Variants in PRIM2 observed in about 807,000 individuals in gnomAD.
The protein encoded by PRIM2 is DNA primase large subunit.
In PRIM2, 39 loss-of-function variants were observed where a neutral mutation model predicts 67.3. The observed-to-expected ratio is 0.58, with a 90% CI of 0.45 to 0.76. The LOEUF is 0.76. Ranked by LOEUF, PRIM2 falls within the 30% of genes least tolerant of loss-of-function variation. The pLI, the probability that PRIM2 is intolerant of heterozygous loss-of-function variation, is 0.00. For synonymous variants in PRIM2, 143 were observed against 198.7 expected, an observed-to-expected ratio of 0.72 and a Z score of 2.36; for missense variants, 398 against 598.7, an observed-to-expected ratio of 0.66 and a Z score of 3.50.
In PRIM2 at chr6:57,451,815, G is replaced by GATTA. The variant is rs1581917341; in HGVS notation, c.694-55572_694-55571insATTA. 7.3e-5 allele frequency among the ~76,000 whole-genome samples: 11 copies of GATTA among 149,852 alleles called. No individual in the cohort carries two copies. In the East Asian group the frequency reaches 1.8e-3, roughly 24 times the overall value. The stretch of plus-strand genomic sequence containing the variant: ...TTTTAATTATACTTTAAGTTTTAGG[G>GATTA]TACATGTGCACTATGTGCAGGTTAA... On this transcript the variant is annotated intron_variant, in intron 7 of 13. Transcript: ENST00000615550.
At chr6:57,399,434 C>T (rs1770631419) in intron 7 of PRIM2, among the ~76,000 whole-genome samples, 1 of 152,202 alleles carries the variant, frequency 6.6e-6, no homozygotes, top group Non-Finnish European at 1.5e-5. Flanking sequence ...TTAATCCAGT[C>T]TATCATTGAT....
intron 7 of PRIM2, among the ~76,000 whole-genome samples, chr6:57,397,014 A>G (rs1224087928): frequency 2.0e-5 from 3 of 152,176 alleles, no homozygotes; most frequent in Non-Finnish European, 4.4e-5. Flanking sequence ...TCTAGCCTGT[A>G]TGGTTTCTGT....
chr6:57,338,319 A>G (rs1210851294), intron 5 of PRIM2, among the ~76,000 whole-genome samples: 3 of 152,332 alleles, frequency 2.0e-5, no homozygotes, highest in Non-Finnish European at 2.9e-5. Context: ...AACTAGTCCA[A>G]TGAATAGAAA....
chr6:57,603,044 T>C (rs1776498433), intron 11 of PRIM2, among the ~76,000 whole-genome samples: 1 of 152,278 alleles, frequency 6.6e-6, no homozygotes. Flanking sequence ...TTACAAGAGT[T>C]CATTGTGTAT....
intron 10 of PRIM2, among the ~76,000 whole-genome samples, chr6:57,586,392 CA>C (rs1435247890): frequency 6.6e-6 from 1 of 152,034 alleles, no homozygotes; most frequent in Non-Finnish European, 1.5e-5. Context: ...GAAGTGGGGA[CA>C]TTTCCATTCG....
At chr6:57,453,875 G>C (rs1458444075) in intron 7 of PRIM2, among the ~76,000 whole-genome samples, 2 of 152,128 alleles carry the variant, frequency 1.3e-5, no homozygotes, top group African/African-American at 4.8e-5. Flanking sequence ...AGTTTTCAAA[G>C]GGAATGCTTC....
intron 7 of PRIM2, among the ~76,000 whole-genome samples, chr6:57,408,025 G>A (rs4715678): frequency 0.018 from 2,179 of 123,686 alleles, no homozygotes; most frequent in South Asian, 0.027. Context: ...TTTTATGCTC[G>A]TGATCTTTAA....
chr6:57,281,820 G>A, the PRIM2 span, among the ~76,000 whole-genome samples: 2 of 152,064 alleles, frequency 1.3e-5, no homozygotes, highest in African/African-American at 2.4e-5. Flanking sequence ...GTGATCTGCA[G>A]GCATTTCTCC....
At chr6:57,430,185 T>C (rs1484176749) in intron 7 of PRIM2, among the ~76,000 whole-genome samples, 2 of 152,166 alleles carry the variant, frequency 1.3e-5, no homozygotes, top group Non-Finnish European at 2.9e-5. Context: ...CTTGGGGTTA[T>C]GCTTTTTGTG....
intron 7 of PRIM2, among the ~76,000 whole-genome samples, chr6:57,416,597 C>A (rs1369958812): frequency 6.6e-6 from 1 of 152,194 alleles, no homozygotes; most frequent in Non-Finnish European, 1.5e-5. Flanking sequence ...ATGGCATCTT[C>A]TTCCAGTATT....
At chr6:57,271,217 T>C in the PRIM2 span, among the ~76,000 whole-genome samples, 2 of 152,224 alleles carry the variant, frequency 1.3e-5, no homozygotes, top group Admixed American at 1.3e-4. Flanking sequence ...CAGCTCCTCT[T>C]TGTACCTCAG....
At chr6:57,441,130 C>T (rs1746348724) in intron 7 of PRIM2, among the ~76,000 whole-genome samples, 1 of 152,198 alleles carries the variant, frequency 6.6e-6, no homozygotes. Flanking sequence ...CATTGCTCAT[C>T]AATGTGTGAA....
intron 7 of PRIM2, among the ~76,000 whole-genome samples, chr6:57,424,578 T>A (rs1771560329): frequency 6.6e-6 from 1 of 152,106 alleles, no homozygotes. Flanking sequence ...TAAAAAGACT[T>A]TATCAAATTT....
chr6:57,389,934 C>A (rs1267154856), intron 7 of PRIM2, among the ~76,000 whole-genome samples: 5 of 152,088 alleles, frequency 3.3e-5, no homozygotes, highest in African/African-American at 1.2e-4. Flanking sequence ...ATATACTGAT[C>A]ATTTAATGCC....
Position 57,370,401 on chromosome 6 carries a change from A to G in PRIM2, c.460-9500A>G, listed in dbSNP as rs140844747. Among the ~76,000 whole-genome samples the G allele has an allele frequency of 6.0e-4, 91 of 152,330 alleles. No individual in the cohort carries two copies. In the Middle Eastern group the frequency reaches 0.014, roughly 23 times the overall value. On this transcript the variant is annotated intron_variant, in intron 5 of 13. Coordinates refer to ENST00000615550, the MANE Select transcript of PRIM2 (RefSeq NM_000947.5). Reference sequence around the variant, plus strand: ...AATGAAGTTAATAGCAGTTTATACTAATTATTTAATAGTAAAGTTTCTGAC... The same window carrying G: ...AATGAAGTTAATAGCAGTTTATACTGATTATTTAATAGTAAAGTTTCTGAC...
At chr6:57,471,528 GAAGA>G (rs1773337617) in intron 7 of PRIM2, among the ~76,000 whole-genome samples, 1 of 152,186 alleles carries the variant, frequency 6.6e-6, no homozygotes, top group African/African-American at 2.4e-5. Context: ...GGTGAGGAAG[GAAGA>G]AAGAAATGGA....
At position 57,324,297 on chromosome 6, in the gene PRIM2, AT is replaced by A. The variant is rs1767766781; in HGVS notation, c.338+19del. The A allele has an allele frequency of 2.0e-6, 3 of 1,485,562 alleles. No individual in the cohort carries two copies. Among genetic ancestry groups the A allele is most frequent in the Non-Finnish European group, 2.8e-6 (3 of 1,073,132 alleles). 92.0% of individuals were successfully genotyped at this position (1,485,562 alleles called of 1,614,324 possible). A position where few individuals can be genotyped will look rare whatever the true frequency, so the allele number is the denominator to read the frequency against. On this transcript the variant is annotated intron_variant, in intron 4 of 13. Transcript: ENST00000615550. ...TTGCCAGTCGTAAGTATATGTTTAT[AT>A]TCTCACAGTCAAATCTGGTGTCATG... is the stretch of plus-strand genomic sequence containing the variant.
In PRIM2 at chr6:57,592,277, C is replaced by T. The variant is rs1256727658; in HGVS notation, c.1021-8816C>T. 7.9e-5 allele frequency among the ~76,000 whole-genome samples: 12 copies of T among 152,196 alleles called. No homozygotes were observed. The South Asian group carries it at 1.7e-3, about 21-fold the overall frequency. ...GCCCTAACAGCTTCACACAATATAACGGTATAACAAACCTGCATGTGTAAT... is the reference window on the plus strand; with the variant it reads ...GCCCTAACAGCTTCACACAATATAATGGTATAACAAACCTGCATGTGTAAT... On this transcript the variant is annotated intron_variant, in intron 10 of 13. Coordinates refer to ENST00000615550, the MANE Select transcript of PRIM2 (RefSeq NM_000947.5).
rs554104041 is a variant in PRIM2 at position 57,396,703 on chromosome 6, C to G, written c.693+14535C>G. On this transcript the variant is annotated intron_variant, in intron 7 of 13. Transcript: ENST00000615550. The stretch of plus-strand genomic sequence containing the variant: ...GTTCCATTCATTGTGCTATTTGTTG[C>G]TTGTATATCTTGGTTTTTTGTTTTT... 5.9e-5 allele frequency among the ~76,000 whole-genome samples: 9 copies of G among 152,118 alleles called. No homozygotes were observed. The East Asian group carries it at 1.7e-3, about 29-fold the overall frequency.
Sources: allele counts gnomAD v4.1 joint callset (sites outside exome capture counted in the v4.1 genomes callset), GRCh38; gene constraint gnomAD v4.1.1; transcripts MANE v1.5; gene names NCBI Gene and HGNC (gene_info 2026-07-23, HGNC 2026-07-21).